Variants in PRELID2 observed in about 807,000 individuals in gnomAD.
PRELID2 encodes the protein PRELI domain-containing protein 2.
Under a neutral mutation model 28.4 loss-of-function variants are expected in PRELID2, and 25 were observed. The ratio of observed to expected loss-of-function variants is 0.88; its 90% CI spans 0.64 to 1.23. The LOEUF (loss-of-function observed/expected upper bound fraction) is 1.23. Among genes scored for constraint, PRELID2 ranks in the 50% most tolerant of loss-of-function variants. The probability of loss-of-function intolerance (pLI) is 0.00; values close to 1 mark genes in which losing one functional copy is unlikely to be tolerated. For missense variants in PRELID2, 201 were observed against 214.4 expected, an observed-to-expected ratio of 0.94 and a Z score of 0.39; for synonymous variants, 76 against 71.6, an observed-to-expected ratio of 1.06 and a Z score of -0.31.
chr5:145,477,018 CTATAA>C (rs1009191381), intron 1 of PRELID2, among the ~76,000 whole-genome samples: 2 of 152,126 alleles, frequency 1.3e-5, no homozygotes, highest in African/African-American at 4.8e-5. Flanking sequence ...TGATGTTTTT[CTATAA>C]TATAATTCTG....
chr5:145,766,830 T>A (rs537497849), intron 5 of PRELID2, among the ~76,000 whole-genome samples: 13 of 152,232 alleles, frequency 8.5e-5, no homozygotes, highest in Non-Finnish European at 2.9e-5. Context: ...ATTAGTGCTT[T>A]CTATACCCAG....
intron 1 of PRELID2, among the ~76,000 whole-genome samples, chr5:145,615,592 C>T (rs1214984325): frequency 2.6e-5 from 3 of 116,318 alleles, no homozygotes; most frequent in African/African-American, 1.2e-4. Context: ...TCCCAAAGTG[C>T]TGGGATTACA....
At chr5:145,743,031 T>C (rs780793086) in intron 1 of PRELID2, among the ~76,000 whole-genome samples, 11 of 151,986 alleles carry the variant, frequency 7.2e-5, no homozygotes, top group East Asian at 1.9e-4. Context: ...AATAGAACAT[T>C]TGAATAGCCC....
the PRELID2 span, among the ~76,000 whole-genome samples, chr5:145,358,924 G>A: frequency 6.6e-6 from 1 of 152,164 alleles, no homozygotes; most frequent in South Asian, 2.1e-4. Flanking sequence ...AAGGATGATA[G>A]TACTAGCTTT....
intron 1 of PRELID2, among the ~76,000 whole-genome samples, chr5:145,536,981 T>C (rs982339204): frequency 1.3e-5 from 2 of 151,792 alleles, no homozygotes; most frequent in South Asian, 4.1e-4. Flanking sequence ...TTTTAATTTT[T>C]AAAAAATTAT....
chr5:145,429,919 C>T, the PRELID2 span: 2 of 152,560 alleles, frequency 1.3e-5, no homozygotes, highest in East Asian at 3.9e-4. Context: ...AGCCAACCTC[C>T]AGACATGTGA....
chr5:145,277,500 T>A, the PRELID2 span, among the ~76,000 whole-genome samples: 1 of 152,150 alleles, frequency 6.6e-6, no homozygotes, highest in Non-Finnish European at 1.5e-5. Context: ...TCCATCCCTG[T>A]CCTTGTCTCT....
At chr5:145,590,029 C>T (rs377673807) in intron 1 of PRELID2, among the ~76,000 whole-genome samples, 17 of 152,240 alleles carry the variant, frequency 1.1e-4, no homozygotes, top group African/African-American at 3.9e-4. Context: ...ACTAGGATTA[C>T]GAAGGGAGTA....
At chr5:145,506,088 A>G (rs1337599286) in intron 1 of PRELID2, among the ~76,000 whole-genome samples, 1 of 152,178 alleles carries the variant, frequency 6.6e-6, no homozygotes, top group African/African-American at 2.4e-5. Context: ...TTAAAATTTA[A>G]GAGAGTAGAT....
At chr5:145,522,819 GAGT>G (rs1442454240) in intron 1 of PRELID2, among the ~76,000 whole-genome samples, 1 of 151,602 alleles carries the variant, frequency 6.6e-6, no homozygotes, top group Non-Finnish European at 1.5e-5. Context: ...GGGGGAGGAG[GAGT>G]AGGAGAAGAA....
At chr5:145,640,768 A>G (rs1754094383) in intron 1 of PRELID2, among the ~76,000 whole-genome samples, 1 of 152,224 alleles carries the variant, frequency 6.6e-6, no homozygotes, top group Non-Finnish European at 1.5e-5. Context: ...CAATAACAAA[A>G]CATATTACAA....
At chr5:145,244,976 T>A in the PRELID2 span, among the ~76,000 whole-genome samples, 2 of 152,266 alleles carry the variant, frequency 1.3e-5, no homozygotes, top group South Asian at 4.1e-4. Context: ...TCCAAAGTAT[T>A]CAAAGCATCT....
chr5:145,520,542 C>T (rs921040640), intron 1 of PRELID2, among the ~76,000 whole-genome samples: 6 of 152,086 alleles, frequency 3.9e-5, no homozygotes, highest in African/African-American at 1.4e-4. Context: ...ATGTGCTGCC[C>T]CCTCTCTCCA....
the PRELID2 span, among the ~76,000 whole-genome samples, chr5:145,267,492 C>A: frequency 2.7e-4 from 41 of 152,132 alleles, no homozygotes; most frequent in Non-Finnish European, 4.9e-4. Context: ...GACTCTCATT[C>A]TTTTTAATGG....
rs80205394 is a variant in PRELID2, at chr5:145,611,713, A to G, written n.71-138398T>C. Among the ~76,000 whole-genome samples the G allele has an allele frequency of 9.0e-3, 1,378 of 152,320 alleles. 28 individuals carry two copies. The highest frequency in any genetic ancestry group is 0.032 in the African/African-American group (1,310 of 41,574). ...TTTAAAATTAATTTTCCACAAGTTGATCTATAATTTCAAAACAATCCCTAT... is the reference window on the plus strand; with the variant it reads ...TTTAAAATTAATTTTCCACAAGTTGGTCTATAATTTCAAAACAATCCCTAT... On this transcript the variant is annotated intron_variant and non_coding_transcript_variant, in intron 1 of 2. Transcript: ENST00000510259.
chr5:145,286,720 GTTTGTTTT>G, the PRELID2 span, among the ~76,000 whole-genome samples: 10 of 117,864 alleles, frequency 8.5e-5, no homozygotes, highest in Non-Finnish European at 1.4e-4. Flanking sequence ...TTGTTTGTTT[GTTTGTTTT>G]TTTTTTTTTT....
At chr5:145,475,980 A>G (rs959743078) in intron 1 of PRELID2, among the ~76,000 whole-genome samples, 90 of 152,350 alleles carry the variant, frequency 5.9e-4, no homozygotes, top group African/African-American at 2.1e-3. Context: ...AAGCCAGTCC[A>G]TGTTCTCACT....
intron 1 of PRELID2, among the ~76,000 whole-genome samples, chr5:145,551,609 T>C (rs1472836539): frequency 6.6e-6 from 1 of 152,166 alleles, no homozygotes; most frequent in East Asian, 1.9e-4. Flanking sequence ...GATCATTCTA[T>C]TTTGGAAAAG....
At chr5:145,722,795 C>T (rs974784097) in intron 1 of PRELID2, among the ~76,000 whole-genome samples, 2 of 152,076 alleles carry the variant, frequency 1.3e-5, no homozygotes, top group African/African-American at 2.4e-5. Context: ...CCACCACACC[C>T]GGCCCCAAAT....
Sources: allele counts gnomAD v4.1 joint callset (sites outside exome capture counted in the v4.1 genomes callset), GRCh38; gene constraint gnomAD v4.1.1; transcripts MANE v1.5; gene names NCBI Gene and HGNC (gene_info 2026-07-23, HGNC 2026-07-21).